P2RX5: variants seen among roughly 807,000 people sequenced by gnomAD.
P2RX5 encodes the protein P2X purinoceptor 5.
Under a neutral mutation model 54.1 loss-of-function variants are expected in P2RX5, and 46 were observed. That is an observed-to-expected ratio of 0.85 (90% CI 0.67 to 1.09). The LOEUF (loss-of-function observed/expected upper bound fraction) is 1.09, where lower values mean the gene tolerates loss of function less well. P2RX5 is among the 50% of genes least tolerant of loss of function. P2RX5 has a pLI of 0.00. For missense variants in P2RX5, 566 were observed against 549.8 expected, an observed-to-expected ratio of 1.03 and a Z score of -0.29; for synonymous variants, 226 against 226.4, an observed-to-expected ratio of 1.00 and a Z score of 0.02.
intron 11 of P2RX5, chr17:3,676,148 A>G (rs1031466286): frequency 2.0e-6 from 2 of 985,394 alleles, no homozygotes; most frequent in Non-Finnish European, 2.4e-6. Flanking sequence ...TGGCTCGGGC[A>G]ATGGCGAGGG....
At chr17:3,711,490 C>A in the P2RX5 span, among the ~76,000 whole-genome samples, 1 of 141,626 alleles carries the variant, frequency 7.1e-6, no homozygotes, top group Non-Finnish European at 1.5e-5. Context: ...TCAAGCGATT[C>A]TCCTGCCTCA....
intron 11 of P2RX5, chr17:3,675,554 CTT>C (rs2050083660): frequency 1.0e-6 from 1 of 982,076 alleles, no homozygotes. Flanking sequence ...TGGATCTTCA[CTT>C]TCTTTTTTTT....
chr17:3,704,489 C>A, the P2RX5 span, among the ~76,000 whole-genome samples: 1 of 152,218 alleles, frequency 6.6e-6, no homozygotes, highest in African/African-American at 2.4e-5. Context: ...ACTTAAATGG[C>A]AGATGCATTA....
Position 3,674,796 on chromosome 17 carries a change from T to A in P2RX5, c.1260-919A>T, listed in dbSNP as rs537672288. 1.6e-4 allele frequency among the ~76,000 whole-genome samples: 25 copies of A among 152,274 alleles called. 1 individual carries two copies. The South Asian group carries it at 4.8e-3, about 29-fold the overall frequency. On this transcript the variant is annotated intron_variant, in intron 11 of 11. Coordinates refer to ENST00000225328, the MANE Select transcript of P2RX5 (RefSeq NM_002561.4). ...AACCTTTCAGATTTCAACTCATAGG[T>A]CACTTCCTTGGGGAAACCTTCTCTG...
chr17:3,692,871 C>T (rs1369148315), intron 1 of P2RX5, among the ~76,000 whole-genome samples: 1 of 151,976 alleles, frequency 6.6e-6, no homozygotes, highest in Non-Finnish European at 1.5e-5. Flanking sequence ...AAATCCCATA[C>T]TTGTTGACAC....
Position 3,681,888 on chromosome 17 carries a change from G to A in P2RX5, c.1064+8C>T. The A allele has an allele frequency of 6.2e-7, 1 of 1,605,016 alleles. No individual in the cohort carries two copies. On this transcript the variant is annotated splice_region_variant and intron_variant, in intron 10 of 11. Coordinates refer to ENST00000225328, the MANE Select transcript of P2RX5 (RefSeq NM_002561.4). ...CCCTCGGGCCGCCGGCCTGGAAGCG[G>A]AACTGACCTCACTTCCTCGTACTTC... is the stretch of plus-strand genomic sequence containing the variant.
chr17:3,680,969 C>T (rs982408374), intron 10 of P2RX5, among the ~76,000 whole-genome samples: 6 of 144,890 alleles, frequency 4.1e-5, no homozygotes, highest in Non-Finnish European at 7.5e-5. Context: ...GCGTCCTCCA[C>T]CCTGCATCCT....
chr17:3,700,786 C>T (rs1052142277), upstream of P2RX5, among the ~76,000 whole-genome samples: 3 of 152,142 alleles, frequency 2.0e-5, no homozygotes, highest in South Asian at 4.1e-4. Context: ...GTAGTTCACG[C>T]GAGAGCTAGT....
At chr17:3,681,058 C>T (rs2050265864) in intron 10 of P2RX5, among the ~76,000 whole-genome samples, 1 of 151,464 alleles carries the variant, frequency 6.6e-6, no homozygotes, top group Non-Finnish European at 1.5e-5. Flanking sequence ...CTCCACCCTG[C>T]ATCCTCCACC....
At chr17:3,711,367 A>ATTTTTTTT in the P2RX5 span, among the ~76,000 whole-genome samples, 6 of 88,146 alleles carry the variant, frequency 6.8e-5, no homozygotes, top group African/African-American at 2.8e-4. Flanking sequence ...CCCAGCACTC[A>ATTTTTTTT]TTCTTTTTTT....
At chr17:3,675,654 C>G in intron 11 of P2RX5, 1 of 780,142 alleles carries the variant, frequency 1.3e-6, no homozygotes, top group African/African-American at 1.9e-5. Context: ...CAGGTTCAAG[C>G]GATTCTCCTG....
upstream of P2RX5, among the ~76,000 whole-genome samples, chr17:3,697,145 T>C (rs943381382): frequency 2.0e-4 from 2 of 10,060 alleles, no homozygotes; most frequent in Non-Finnish European, 4.2e-4. Context: ...GGTGCGGGGG[T>C]GGGGGGCAGA....
At chr17:3,700,194 C>A (rs964910058), upstream of P2RX5, among the ~76,000 whole-genome samples, 4 of 152,166 alleles carry the variant, frequency 2.6e-5, no homozygotes, top group Non-Finnish European at 5.9e-5. Context: ...ACCCATTGTG[C>A]CCAGTGGGGA....
Position 3,691,812 on chromosome 17 carries a change from G to A in P2RX5, c.138-18C>T, listed in dbSNP as rs967030524. 3.7e-6 allele frequency: 6 copies of A among 1,613,864 alleles called. No homozygotes were observed. The Admixed American group carries it at 6.7e-5, about 18-fold the overall frequency. On this transcript the variant is annotated intron_variant, in intron 1 of 11. Transcript: ENST00000225328. ...ACACCCATCTGTGGGAAGGGGGCCGGTACGTGGGCATCAGCCACTCTGCTG... is the reference window on the plus strand; with the variant it reads ...ACACCCATCTGTGGGAAGGGGGCCGATACGTGGGCATCAGCCACTCTGCTG...
the P2RX5 span, chr17:3,716,803 A>C: frequency 6.9e-5 from 103 of 1,500,648 alleles, 2 homozygotes; most frequent in South Asian, 1.2e-3. Flanking sequence ...AGTGATCTAG[A>C]CAAGACAAAG....
intron 11 of P2RX5, chr17:3,677,365 G>C: frequency 1.1e-6 from 1 of 872,708 alleles, no homozygotes; most frequent in Non-Finnish European, 1.3e-6. Flanking sequence ...GGAGTCAGAT[G>C]GAGCAGAGGC....
chr17:3,716,523 T>C, the P2RX5 span, among the ~76,000 whole-genome samples: 1 of 152,198 alleles, frequency 6.6e-6, no homozygotes, highest in Admixed American at 6.5e-5. Context: ...ACAGATACTG[T>C]TTTACTCATT....
chr17:3,720,376 C>A, the P2RX5 span: 1 of 1,570,368 alleles, frequency 6.4e-7, no homozygotes, highest in Non-Finnish European at 8.8e-7. Context: ...CACCAAGGAT[C>A]TGCAGTTCAG....
At position 3,690,079 on chromosome 17, in the gene P2RX5, T is replaced by C. The variant is rs1403534963; in HGVS notation, c.605A>G (p.Asn202Ser). The C allele has an allele frequency of 3.7e-6, 6 of 1,614,030 alleles. No individual in the cohort carries two copies. Among genetic ancestry groups the C allele is most frequent in the Non-Finnish European group, 5.1e-6 (6 of 1,179,934 alleles). ...AGCCAAGCCCACGTACTTGGAGAAG[T>C]TGAATTTGGGGAAACGGATGTGGTT... The part of the protein sequence containing the change: ...IKNHIRFPKF[N>S]FSKSNVMDVK... The change falls in exon 6 of 12, where the codon AAC becomes AGC. Residue 202 changes from asparagine to serine, a missense_variant. Physicochemically the swap from Asn to Ser is conservative, Grantham distance 46. Coordinates refer to ENST00000225328, the MANE Select transcript of P2RX5 (RefSeq NM_002561.4).
Sources: gnomAD v4.1 joint callset for allele counts (sites outside exome capture counted in the v4.1 genomes callset) on GRCh38, gnomAD v4.1.1 for gene constraint, MANE v1.5 for transcripts, NCBI Gene and HGNC (gene_info 2026-07-23, HGNC 2026-07-21) for gene names.